Variants in FOXO3B observed in about 807,000 individuals in gnomAD.
The protein encoded by FOXO3B is forkhead box O3B.
Under a neutral mutation model 21.9 loss-of-function variants are expected in FOXO3B, and 15 were observed. The observed-to-expected ratio is 0.68, with a 90% CI of 0.46 to 1.05. The LOEUF (loss-of-function observed/expected upper bound fraction) is 1.05. Among genes scored for constraint, FOXO3B ranks in the 50% least tolerant of loss-of-function variants. The pLI is 0.00. For synonymous variants in FOXO3B, 135 were observed against 213.6 expected (o/e 0.63, Z 3.21); for missense variants, 293 against 435.5 (o/e 0.67, Z 2.91).
In FOXO3B at chr17:18,670,804, T is replaced by C. The variant is rs891325188; in HGVS notation, c.*1505A>G. 21 of 1,228,188 alleles carry C rather than the reference T, an allele frequency of 1.7e-5. No homozygotes were observed. The African/African-American group carries it at 2.3e-4, about 13-fold the overall frequency. 76.1% of individuals were successfully genotyped at this position (1,228,188 alleles called of 1,614,324 possible). On this transcript the variant is annotated 3_prime_UTR_variant, in exon 4 of 4. Transcript: ENST00000395675. ...GGTGTTAAGCTGTAAACGGTATCACTGTCCACTTGCTGAGAGCAGATTTGG... is the reference window on the plus strand; with the variant it reads ...GGTGTTAAGCTGTAAACGGTATCACCGTCCACTTGCTGAGAGCAGATTTGG...
rs908043068 is a variant in FOXO3B at position 18,671,682 on chromosome 17, G to A, written c.*627C>T. On this transcript the variant is annotated 3_prime_UTR_variant, in exon 4 of 4. Coordinates refer to ENST00000395675, the MANE Select transcript of FOXO3B (RefSeq NM_001368135.1). ...CAGGCCCGAGCCCTTGGTGGTATAC[G>A]GGAAGCTAGAACTCCGCTGCATGAG... 9 of 1,613,630 alleles carry A rather than the reference G, an allele frequency of 5.6e-6. No individual in the cohort carries two copies. The East Asian group carries it at 1.1e-4, about 20-fold the overall frequency.
In FOXO3B at chr17:18,672,404, C is replaced by T. The variant is rs1279564469; in HGVS notation, c.778G>A (p.Asp260Asn). 6.2e-7 allele frequency: 1 copy of T among 1,613,164 alleles called. No individual in the cohort carries two copies. The highest frequency in any genetic ancestry group is 2.2e-5 in the East Asian group (1 of 44,856). ...LITRAIESSPDRRLTLSQIYE... is the reference protein window; with the variant it reads ...LITRAIESSPNRRLTLSQIYE... ...ATCTGGGACAGAGTGAGCCGTCTGTCCGGGGAGCTCTCGATGGCGCGGGTG... is the reference window on the plus strand; with the variant it reads ...ATCTGGGACAGAGTGAGCCGTCTGTTCGGGGAGCTCTCGATGGCGCGGGTG... Residue 260 changes from aspartate (D) to asparagine (N), a missense_variant, in exon 4 of 4, where the codon GAC becomes AAC. Physicochemically the swap from Asp to Asn is conservative, Grantham distance 23. Around this residue, in one of 2 missense-constraint regions of FOXO3B, gnomAD observed 251 missense variants for 404.0 expected, o/e 0.62. Transcript: ENST00000395675. This position sits in a 1 kb window ranked among gnomAD's most constrained non-coding sequence, Gnocchi z 4.2.
chr17:18,682,079 C>T lies in FOXO3B; in HGVS notation c.-196+125G>A, dbSNP rs2032597485. Reference sequence around the variant, plus strand: ...CAGGCCAGAGTGAGAAGGGACAGGGCTCATGGTCTGCCCTCGAGGCCCCTT... The same window carrying T: ...CAGGCCAGAGTGAGAAGGGACAGGGTTCATGGTCTGCCCTCGAGGCCCCTT... On this transcript the variant is annotated intron_variant, in intron 1 of 3. Coordinates refer to ENST00000395675, the MANE Select transcript of FOXO3B (RefSeq NM_001368135.1). 8.0e-6 allele frequency: 5 copies of T among 624,000 alleles called. No individual in the cohort carries two copies. The Admixed American group carries it at 9.5e-5, about 12-fold the overall frequency. 38.7% of individuals were successfully genotyped at this position (624,000 alleles called of 1,614,324 possible).
At chr17:18,673,949 T>A (rs1261573282) in intron 3 of FOXO3B, among the ~76,000 whole-genome samples, 1 of 149,436 alleles carries the variant, frequency 6.7e-6, no homozygotes, top group East Asian at 1.9e-4. Context: ...TGTGCGTAGA[T>A]TTCCACCACG....
chr17:18,676,561 TACAG>T (rs1303633884), intron 3 of FOXO3B, among the ~76,000 whole-genome samples: 2 of 152,178 alleles, frequency 1.3e-5, no homozygotes, highest in Non-Finnish European at 2.9e-5. Context: ...CAATAAAACA[TACAG>T]ATTGTTTTAC....
intron 3 of FOXO3B, among the ~76,000 whole-genome samples, chr17:18,679,405 T>G (rs1413146453): frequency 6.6e-6 from 1 of 150,550 alleles, no homozygotes; most frequent in Non-Finnish European, 1.5e-5. Flanking sequence ...ATCTCTGGGT[T>G]GTGGTATGCC....
At chr17:18,680,275 G>C (rs4924763) in intron 3 of FOXO3B, among the ~76,000 whole-genome samples, 204 of 152,186 alleles carry the variant, frequency 1.3e-3, no homozygotes, top group African/African-American at 4.3e-3. Flanking sequence ...TTTAAATTAC[G>C]CCTTCATAGG....
Position 18,671,664 on chromosome 17 carries a change from G to A in FOXO3B, c.*645C>T, listed in dbSNP as rs1480286245. On this transcript the variant is annotated 3_prime_UTR_variant, in exon 4 of 4. Transcript: ENST00000395675. ...GGAGCTGGTTGGGGAGCTCAGGCCCGAGCCCTTGGTGGTATACGGGAAGCT... is the reference window on the plus strand; with the variant it reads ...GGAGCTGGTTGGGGAGCTCAGGCCCAAGCCCTTGGTGGTATACGGGAAGCT... The A allele has an allele frequency of 3.7e-6, 6 of 1,613,900 alleles. No homozygotes were observed. Among genetic ancestry groups the A allele is most frequent in the East Asian group, 2.2e-5 (1 of 44,878 alleles).
Position 18,670,796 on chromosome 17 carries a change from G to A in FOXO3B, c.*1513C>T. On this transcript the variant is annotated 3_prime_UTR_variant, in exon 4 of 4. Coordinates refer to ENST00000395675, the MANE Select transcript of FOXO3B (RefSeq NM_001368135.1). ...TTCACAAAGGTGTTAAGCTGTAAAC[G>A]GTATCACTGTCCACTTGCTGAGAGC... 3 of 1,130,622 alleles carry A rather than the reference G, an allele frequency of 2.7e-6. No individual in the cohort carries two copies. Among genetic ancestry groups the A allele is most frequent in the Non-Finnish European group, 3.8e-6 (3 of 781,420 alleles). 70.0% of individuals were successfully genotyped at this position (1,130,622 alleles called of 1,614,324 possible).
intron 3 of FOXO3B, chr17:18,677,380 A>G: frequency 1.2e-6 from 2 of 1,613,922 alleles, no homozygotes; most frequent in South Asian, 2.2e-5. Flanking sequence ...ATGTGCGTCA[A>G]CGTGCTCAAG....
chr17:18,673,393 T>G (rs2032417052), intron 3 of FOXO3B, among the ~76,000 whole-genome samples: 1 of 152,210 alleles, frequency 6.6e-6, no homozygotes, highest in Admixed American at 6.5e-5. Flanking sequence ...ATTACAAGTG[T>G]GGACCACCAC....
At chr17:18,674,364 G>T (rs1247621047) in intron 3 of FOXO3B, among the ~76,000 whole-genome samples, 1 of 150,998 alleles carries the variant, frequency 6.6e-6, no homozygotes, top group Non-Finnish European at 1.5e-5. Context: ...AGTGGCTCAC[G>T]CCTGTAATCC....
intron 3 of FOXO3B, 147 bp from the exon 4 acceptor site, chr17:18,673,202 T>C (rs1395330921): frequency 1.7e-6 from 2 of 1,170,022 alleles, no homozygotes; most frequent in Non-Finnish European, 1.1e-6. Context: ...TTAATAACAC[T>C]TTTTGTTTAA....
chr17:18,670,851 C>G lies in FOXO3B; in HGVS notation c.*1458G>C. 6.4e-7 allele frequency: 1 copy of G among 1,569,608 alleles called. No homozygotes were observed. The highest frequency in any genetic ancestry group is 8.7e-7 in the Non-Finnish European group (1 of 1,152,514). On this transcript the variant is annotated 3_prime_UTR_variant, in exon 4 of 4. Transcript: ENST00000395675. Reference sequence around the variant, plus strand: ...TTGGCAAAGGGTTTTCTCTGTAGGTCTTGTGTCAGTTTGAGGGTCTGCTTT... The same window carrying G: ...TTGGCAAAGGGTTTTCTCTGTAGGTGTTGTGTCAGTTTGAGGGTCTGCTTT...
Position 18,672,131 on chromosome 17 carries a change from G to C in FOXO3B, c.*178C>G. 2 of 1,612,338 alleles carry C rather than the reference G, an allele frequency of 1.2e-6. No homozygotes were observed. The highest frequency in any genetic ancestry group is 1.3e-5 in the African/African-American group (1 of 74,970). On this transcript the variant is annotated 3_prime_UTR_variant, in exon 4 of 4. Transcript: ENST00000395675. This position sits in a 1 kb window ranked among gnomAD's most constrained non-coding sequence, Gnocchi z 4.2. ...AGGGCTGCCTTCTTCTTGGCTGTGC[G>C]GCCACGGCTCTTGGTATACTTGTTG...
intron 3 of FOXO3B, 121 bp from the exon 4 acceptor site, chr17:18,673,176 CAGG>C (rs1244559994): frequency 7.9e-7 from 1 of 1,266,152 alleles, no homozygotes; most frequent in African/African-American, 1.6e-5. Flanking sequence ...CTCCCAGGAA[CAGG>C]AGACCATACT....
intron 3 of FOXO3B, chr17:18,677,576 C>A: frequency 1.2e-6 from 2 of 1,602,950 alleles, no homozygotes; most frequent in East Asian, 2.2e-5. Flanking sequence ...GCGGGCCCAG[C>A]GGCAGGGCCA....
intron 3 of FOXO3B, among the ~76,000 whole-genome samples, chr17:18,675,226 G>T (rs1431134569): frequency 6.6e-6 from 1 of 150,862 alleles, no homozygotes; most frequent in South Asian, 2.1e-4. Flanking sequence ...ATGTAACCTT[G>T]GATTAATGAA....
At position 18,672,676 on chromosome 17, in the gene FOXO3B, C is replaced by T; in HGVS notation, c.506G>A (p.Gly169Glu). 1 of 1,480,384 alleles carries T rather than the reference C, an allele frequency of 6.8e-7. No homozygotes were observed. Among genetic ancestry groups the T allele is most frequent in the Non-Finnish European group, 8.9e-7 (1 of 1,122,414 alleles). 91.7% of individuals were successfully genotyped at this position (1,480,384 alleles called of 1,614,324 possible). A position where few individuals can be genotyped will look rare whatever the true frequency, so the allele number is the denominator to read the frequency against. ...CAGCCCGGAGACCAGCGTGCGGCTC[C>T]CGCCGCCGCCGCCGATCGCCATGGC... is the stretch of plus-strand genomic sequence containing the variant. ...GSAMAIGGGG[G>E]SRTLVSGLLL... The change falls in exon 4 of 4, where the codon GGG (glycine) becomes GAG (glutamate). Residue 169 changes from glycine (G) to glutamate (E), a missense_variant. Around this residue, in one of 2 missense-constraint regions of FOXO3B, gnomAD observed 251 missense variants for 404.0 expected, o/e 0.62. Coordinates refer to ENST00000395675, the MANE Select transcript of FOXO3B (RefSeq NM_001368135.1). The surrounding 1 kb of genome is among the most constrained non-coding windows in gnomAD (Gnocchi z 4.2).
Sources: allele counts gnomAD v4.1 joint callset (sites outside exome capture counted in the v4.1 genomes callset), GRCh38; gene constraint gnomAD v4.1.1; regional missense constraint gnomAD v4.1.1; non-coding constraint Gnocchi (gnomAD v3.1); transcripts MANE v1.5; gene names NCBI Gene and HGNC (gene_info 2026-07-23, HGNC 2026-07-21).